Variants in CDH4 observed in about 807,000 individuals in gnomAD.
CDH4 encodes cadherin 4.
CDH4 carries 33 observed loss-of-function variants against 86.0 expected under a neutral mutation model. That is an observed-to-expected ratio of 0.38 (90% CI 0.29 to 0.51). The LOEUF (loss-of-function observed/expected upper bound fraction) is 0.51, where lower values mean the gene tolerates loss of function less well. Among genes scored for constraint, CDH4 ranks in the 20% least tolerant of loss-of-function variants. CDH4 has a pLI of 0.86. For missense variants in CDH4, 1,114 were observed against 1,307.4 expected (o/e 0.85, Z 2.28); for synonymous variants, 555 against 549.4 (o/e 1.01, Z -0.14).
chr20:61,652,558 A>G (rs1017326057), intron 2 of CDH4, among the ~76,000 whole-genome samples: 7 of 152,144 alleles, frequency 4.6e-5, no homozygotes, highest in African/African-American at 7.2e-5. Flanking sequence ...GCATTTGTCT[A>G]TTATTTCCTT....
At chr20:61,471,072 CCCT>C (rs750526637) in intron 2 of CDH4, among the ~76,000 whole-genome samples, 4 of 151,740 alleles carry the variant, frequency 2.6e-5, no homozygotes, top group Non-Finnish European at 4.4e-5. Context: ...TGGAAGTATC[CCCT>C]CCTCCTCTAT....
intron 4 of CDH4, among the ~76,000 whole-genome samples, chr20:61,814,471 GC>G (rs1980612413): frequency 6.6e-6 from 1 of 152,176 alleles, no homozygotes; most frequent in Non-Finnish European, 1.5e-5. Flanking sequence ...TGCAGACCCA[GC>G]CCCTCACACC....
intron 2 of CDH4, among the ~76,000 whole-genome samples, chr20:61,644,379 G>A (rs1034319304): frequency 1.3e-5 from 2 of 152,182 alleles, no homozygotes; most frequent in Admixed American, 6.5e-5. Context: ...CTTCGAGGAC[G>A]GGGAGCAGAG....
chr20:61,262,513 G>A (rs749057955), intron 2 of CDH4, among the ~76,000 whole-genome samples: 2 of 152,184 alleles, frequency 1.3e-5, no homozygotes, highest in Non-Finnish European at 2.9e-5. Context: ...CTGGGTTGGT[G>A]TAAGCTTCCA....
At chr20:61,398,576 C>T (rs2085031931) in intron 2 of CDH4, among the ~76,000 whole-genome samples, 1 of 152,236 alleles carries the variant, frequency 6.6e-6, no homozygotes. Flanking sequence ...GCGAAATTCC[C>T]TCCTCTTCTA....
intron 2 of CDH4, among the ~76,000 whole-genome samples, chr20:61,322,068 C>G (rs1373555028): frequency 1.3e-5 from 2 of 152,062 alleles, no homozygotes; most frequent in African/African-American, 4.8e-5. Context: ...GGTCAGAGGT[C>G]CCCCCAGGAT....
At chr20:61,749,469 ACTTCATAGC>A (rs2145951895) in intron 3 of CDH4, among the ~76,000 whole-genome samples, 2 of 152,330 alleles carry the variant, frequency 1.3e-5, no homozygotes, top group East Asian at 3.9e-4. Context: ...GTCCCAACAT[ACTTCATAGC>A]CTTCAAGCAA....
intron 2 of CDH4, among the ~76,000 whole-genome samples, chr20:61,462,157 G>T (rs1277479418): frequency 2.0e-5 from 3 of 152,204 alleles, no homozygotes; most frequent in Non-Finnish European, 2.9e-5. Flanking sequence ...TGGAATGCAT[G>T]GTAAGAAGGG....
intron 2 of CDH4, among the ~76,000 whole-genome samples, chr20:61,436,857 A>T (rs1354201017): frequency 6.6e-6 from 1 of 152,192 alleles, no homozygotes; most frequent in African/African-American, 2.4e-5. Flanking sequence ...CATTAGCATA[A>T]CAAAGACACT....
chr20:61,760,732 T>C (rs1174870664), intron 3 of CDH4, among the ~76,000 whole-genome samples: 1 of 152,258 alleles, frequency 6.6e-6, no homozygotes, highest in African/African-American at 2.4e-5. Flanking sequence ...CCTTGTATTA[T>C]TTCTATGGGA....
rs1170534334 is a variant in CDH4 at position 61,383,521 on chromosome 20, GTATGAATATA to G, written c.169+128610_169+128619del. Among the ~76,000 whole-genome samples the G allele has an allele frequency of 6.4e-3, 149 of 23,234 alleles. 5 individuals carry two copies. Among genetic ancestry groups the G allele is most frequent in the East Asian group, 0.019 (23 of 1,240 alleles). 15.2% of individuals were successfully genotyped at this position (23,234 alleles called of 152,430 possible). ...TATTATATATGATATATATGAATAT[GTATGAATATA>G]TATGAATATATATGAATATATATGA... On this transcript the variant is annotated intron_variant, in intron 2 of 15. Transcript: ENST00000614565.
rs572565314 is a variant in CDH4 at position 61,707,039 on chromosome 20, C to T, written c.170-36524C>T. 1.6e-3 allele frequency among the ~76,000 whole-genome samples: 247 copies of T among 152,344 alleles called. 2 individuals are homozygous for T. Among genetic ancestry groups the T allele is most frequent in the African/African-American group, 5.1e-3 (214 of 41,590 alleles). On this transcript the variant is annotated intron_variant, in intron 2 of 15. Transcript: ENST00000614565. ...AAGGCAACACTGTTCTGGAAGCTTC[C>T]GTGGCGGTACTCTCTCTCCATCTTC... is the stretch of plus-strand genomic sequence containing the variant.
chr20:61,425,241 C>T (rs1482659532), intron 2 of CDH4, among the ~76,000 whole-genome samples: 2 of 152,202 alleles, frequency 1.3e-5, no homozygotes, highest in Non-Finnish European at 2.9e-5. Flanking sequence ...CTGAGCAGGG[C>T]GGGCACCACA....
At chr20:61,674,991 C>T (rs557130499) in intron 2 of CDH4, among the ~76,000 whole-genome samples, 1 of 152,354 alleles carries the variant, frequency 6.6e-6, no homozygotes, top group Admixed American at 6.5e-5. Context: ...GACATTGTGG[C>T]CCACCCACCC....
chr20:61,706,453 A>T (rs930302673), intron 2 of CDH4, among the ~76,000 whole-genome samples: 2 of 152,220 alleles, frequency 1.3e-5, no homozygotes, highest in African/African-American at 4.8e-5. Context: ...CACGGTCTTA[A>T]CAAACATGAT....
intron 2 of CDH4, among the ~76,000 whole-genome samples, chr20:61,477,662 G>A (rs1054389575): frequency 1.3e-5 from 2 of 152,224 alleles, no homozygotes; most frequent in Admixed American, 6.5e-5. Context: ...TATCAAAGCC[G>A]TGGTCCTCCC....
chr20:61,498,989 TC>T (rs1272337073), intron 2 of CDH4, among the ~76,000 whole-genome samples: 2 of 152,114 alleles, frequency 1.3e-5, no homozygotes, highest in Non-Finnish European at 2.9e-5. Context: ...ACCCCACGTG[TC>T]CTGAGCCTTG....
At chr20:61,656,734 C>T (rs2087196138) in intron 2 of CDH4, among the ~76,000 whole-genome samples, 1 of 152,164 alleles carries the variant, frequency 6.6e-6, no homozygotes, top group African/African-American at 2.4e-5. Flanking sequence ...AGGATCGTCC[C>T]CTGCATTCGT....
At chr20:61,415,663 T>C (rs867817820) in intron 2 of CDH4, among the ~76,000 whole-genome samples, 9 of 152,174 alleles carry the variant, frequency 5.9e-5, no homozygotes, top group Non-Finnish European at 1.3e-4. Flanking sequence ...TCACTTAGCA[T>C]GATGTCCTTA....
Sources: gnomAD v4.1 joint callset for allele counts (sites outside exome capture counted in the v4.1 genomes callset) on GRCh38, gnomAD v4.1.1 for gene constraint, MANE v1.5 for transcripts, NCBI Gene and HGNC (gene_info 2026-07-23, HGNC 2026-07-21) for gene names.